Variants in DCC observed in about 807,000 individuals in gnomAD.
DCC encodes the protein netrin receptor DCC.
A neutral mutation model predicts 172.5 loss-of-function variants in DCC; 58 were observed. The observed-to-expected ratio is 0.34, with a 90% confidence interval of 0.27 to 0.42. The LOEUF (loss-of-function observed/expected upper bound fraction) is 0.42. Ranked by LOEUF, DCC falls within the 10% of genes least tolerant of loss-of-function variation. The probability of loss-of-function intolerance (pLI) is 1.00; values close to 1 mark genes in which losing one functional copy is unlikely to be tolerated. For missense variants in DCC, 1,740 were observed against 1,791.0 expected (o/e 0.97, Z 0.51); for synonymous variants, 709 against 644.5 (o/e 1.10, Z -1.52).
At chr18:53,320,070 C>CTT (rs35150045) in intron 13 of DCC, among the ~76,000 whole-genome samples, 1,626 of 109,586 alleles carry the variant, frequency 0.015, 71 homozygotes, top group African/African-American at 0.05. Flanking sequence ...CGCAAGAGTA[C>CTT]TTTTTTTTTT....
intron 1 of DCC, among the ~76,000 whole-genome samples, chr18:52,563,058 GT>G (rs2033076438): frequency 2.0e-5 from 3 of 152,108 alleles, no homozygotes; most frequent in Admixed American, 6.6e-5. Context: ...TCAAATATCA[GT>G]TCATAAAAAT....
intron 24 of DCC, among the ~76,000 whole-genome samples, chr18:53,462,314 C>G (rs544806314): frequency 6.6e-6 from 1 of 152,214 alleles, no homozygotes; most frequent in South Asian, 2.1e-4. Flanking sequence ...TTCCCTATCA[C>G]TCCCATTACT....
chr18:52,742,200 G>A (rs916110276), intron 1 of DCC, among the ~76,000 whole-genome samples: 15 of 152,124 alleles, frequency 9.9e-5, no homozygotes, highest in Non-Finnish European at 2.1e-4. Context: ...CCAATCTATG[G>A]TATTTTGTTA....
intron 1 of DCC, among the ~76,000 whole-genome samples, chr18:52,456,076 G>A (rs1988448835): frequency 6.6e-6 from 1 of 152,120 alleles, no homozygotes; most frequent in Admixed American, 6.5e-5. Context: ...ATCGTATCAA[G>A]GTATGAAAGA....
At chr18:52,699,231 G>A (rs1418537068) in intron 1 of DCC, among the ~76,000 whole-genome samples, 2 of 152,094 alleles carry the variant, frequency 1.3e-5, no homozygotes, top group South Asian at 2.1e-4. Context: ...CTTTATGACC[G>A]GGAGCCTCAG....
At chr18:52,341,739 A>G (rs907003012) in intron 1 of DCC, among the ~76,000 whole-genome samples, 1 of 152,184 alleles carries the variant, frequency 6.6e-6, no homozygotes, top group African/African-American at 2.4e-5. Context: ...GGCGGCTTCG[A>G]CGGCCAAAAG....
intron 12 of DCC, among the ~76,000 whole-genome samples, chr18:53,265,155 T>C (rs1459698391): frequency 6.6e-6 from 1 of 152,138 alleles, no homozygotes; most frequent in African/African-American, 2.4e-5. Context: ...AAATAATGTG[T>C]TCTTTTCTTC....
At position 53,205,384 on chromosome 18, in the gene DCC, A is replaced by G. The variant is rs779820851; in HGVS notation, c.1722+20A>G. Reference sequence around the variant, plus strand: ...GAACAGGTAGGTGAAGGAATGGACCACACTGCTTCCATCTGTTGGATGTTT... The same window carrying G: ...GAACAGGTAGGTGAAGGAATGGACCGCACTGCTTCCATCTGTTGGATGTTT... On this transcript the variant is annotated intron_variant, in intron 10 of 28. Coordinates refer to ENST00000442544, the MANE Select transcript of DCC (RefSeq NM_005215.4). 1.2e-6 allele frequency: 2 copies of G among 1,611,400 alleles called. No individual in the cohort carries two copies. The highest frequency in any genetic ancestry group is 2.7e-5 in the African/African-American group (2 of 74,986).
intron 3 of DCC, among the ~76,000 whole-genome samples, chr18:52,915,460 C>T (rs1438393194): frequency 2.6e-5 from 4 of 152,102 alleles, no homozygotes; most frequent in African/African-American, 7.2e-5. Flanking sequence ...CACACACACT[C>T]AATTAATTTG....
At chr18:53,157,275 T>C (rs2054753960) in intron 7 of DCC, 81 bp from the exon 8 acceptor site, 3 of 1,556,444 alleles carry the variant, frequency 1.9e-6, no homozygotes, top group African/African-American at 2.7e-5. Context: ...AGATGCTTGC[T>C]AATAGGTTGG....
At chr18:53,270,297 T>C (rs1039760302) in intron 12 of DCC, among the ~76,000 whole-genome samples, 4 of 152,178 alleles carry the variant, frequency 2.6e-5, no homozygotes, top group Non-Finnish European at 5.9e-5. Flanking sequence ...TGAAAGATGC[T>C]TTGAAGATGG....
chr18:53,213,647 CAA>C (rs34284373), intron 11 of DCC, among the ~76,000 whole-genome samples: 28 of 35,366 alleles, frequency 7.9e-4, no homozygotes, highest in Admixed American at 2.8e-3. Flanking sequence ...GACTCCGTCT[CAA>C]AAAAAAAAAA....
intron 1 of DCC, among the ~76,000 whole-genome samples, chr18:52,576,304 C>A (rs1787743): frequency 6.6e-6 from 1 of 152,200 alleles, no homozygotes; most frequent in Non-Finnish European, 1.5e-5. Flanking sequence ...ATCTTCCAGT[C>A]TAGCAATTTC....
Position 53,188,057 on chromosome 18 carries a change from A to C in DCC, c.1573+8941A>C, listed in dbSNP as rs571379544. Among the ~76,000 whole-genome samples, 18 of 152,218 alleles carry C rather than the reference A, an allele frequency of 1.2e-4. No individual in the cohort carries two copies. In the South Asian group the frequency reaches 3.5e-3, roughly 30 times the overall value. On this transcript the variant is annotated intron_variant, in intron 9 of 28. Coordinates refer to ENST00000442544, the MANE Select transcript of DCC (RefSeq NM_005215.4). ...AACTTGTACATTGTCCTCTTATTTA[A>C]ACCTATAATTGGTGTTATAAATTAT... is the stretch of plus-strand genomic sequence containing the variant.
intron 1 of DCC, among the ~76,000 whole-genome samples, chr18:52,538,038 A>T (rs1189155809): frequency 6.6e-6 from 1 of 152,180 alleles, no homozygotes; most frequent in African/African-American, 2.4e-5. Context: ...CTGTGCATGA[A>T]CCATCACAAA....
At chr18:52,767,345 A>G (rs1568090254) in intron 2 of DCC, among the ~76,000 whole-genome samples, 3 of 152,148 alleles carry the variant, frequency 2.0e-5, no homozygotes. Flanking sequence ...AGAACTTTCT[A>G]TGGGTCAGCA....
chr18:52,444,544 TC>T (rs1988064632), intron 1 of DCC, among the ~76,000 whole-genome samples: 1 of 152,206 alleles, frequency 6.6e-6, no homozygotes, highest in Admixed American at 6.5e-5. Flanking sequence ...TCTCTTTTTT[TC>T]AATAATACAA....
chr18:53,335,858 G>A (rs957121416), intron 14 of DCC, among the ~76,000 whole-genome samples: 3 of 152,138 alleles, frequency 2.0e-5, no homozygotes, highest in African/African-American at 7.2e-5. Context: ...CATCTCACAT[G>A]GCGGCAGACA....
At chr18:52,430,718 A>G (rs866505756) in intron 1 of DCC, among the ~76,000 whole-genome samples, 8 of 152,206 alleles carry the variant, frequency 5.3e-5, no homozygotes, top group South Asian at 2.1e-4. Context: ...GGCATTTCCA[A>G]TAGGGAATTT....
Sources: allele counts gnomAD v4.1 joint callset (sites outside exome capture counted in the v4.1 genomes callset), GRCh38; gene constraint gnomAD v4.1.1; transcripts MANE v1.5; gene names NCBI Gene and HGNC (gene_info 2026-07-23, HGNC 2026-07-21).